PHIP: variants seen among roughly 807,000 people sequenced by gnomAD.
PHIP encodes the protein PHIP subunit of CUL4-Ring ligase complex, also known as PH-interacting protein.
In PHIP, 54 loss-of-function variants were observed where a neutral mutation model predicts 236.8. That is an observed-to-expected ratio of 0.23 (90% CI 0.18 to 0.29). The LOEUF (loss-of-function observed/expected upper bound fraction) is 0.29, where lower values mean the gene tolerates loss of function less well. Ranked by LOEUF, PHIP falls within the 10% of genes least tolerant of loss-of-function variation. PHIP has a pLI of 1.00. For missense variants in PHIP, 1,370 were observed against 2,190.8 expected, an observed-to-expected ratio of 0.63 and a Z score of 7.48; for synonymous variants, 756 against 718.9, an observed-to-expected ratio of 1.05 and a Z score of -0.83.
At chr6:79,076,546 A>G (rs548921520) in intron 4 of PHIP, among the ~76,000 whole-genome samples, 1 of 152,322 alleles carries the variant, frequency 6.6e-6, no homozygotes, top group African/African-American at 2.4e-5. Flanking sequence ...CACTTCTGAA[A>G]AGCAATTTTT....
At chr6:78,968,696 T>C (rs1349904167) in intron 27 of PHIP, among the ~76,000 whole-genome samples, 1 of 151,816 alleles carries the variant, frequency 6.6e-6, no homozygotes. Flanking sequence ...CAAAACAGCA[T>C]ATAATTCCTT....
intron 15 of PHIP, among the ~76,000 whole-genome samples, chr6:79,005,741 C>T (rs1050273602): frequency 3.9e-5 from 6 of 151,978 alleles, no homozygotes; most frequent in Non-Finnish European, 8.8e-5. Context: ...TTAGCAATTT[C>T]AAAGGAAATC....
intron 15 of PHIP, among the ~76,000 whole-genome samples, chr6:79,011,610 C>T (rs1562177433): frequency 6.6e-6 from 1 of 151,624 alleles, no homozygotes; most frequent in Non-Finnish European, 1.5e-5. Context: ...AAAACAAACC[C>T]AGCACCCACT....
intron 6 of PHIP, among the ~76,000 whole-genome samples, chr6:79,054,612 ATATG>A (rs1291035940): frequency 6.6e-6 from 1 of 151,424 alleles, no homozygotes; most frequent in Non-Finnish European, 1.5e-5. Flanking sequence ...TTGCTGAATT[ATATG>A]TAACTGTTAA....
At chr6:78,975,222 C>T (rs1453919313) in intron 24 of PHIP, among the ~76,000 whole-genome samples, 24 of 151,726 alleles carry the variant, frequency 1.6e-4, no homozygotes, top group African/African-American at 5.8e-4. Context: ...GTTCAATATA[C>T]GCAAATCAAT....
chr6:78,935,440 C>A lies in PHIP; in HGVS notation c.*5253G>T. On this transcript the variant is annotated 3_prime_UTR_variant, in exon 40 of 40. Coordinates refer to ENST00000275034, the MANE Select transcript of PHIP (RefSeq NM_017934.7). ...TAGGAAAACTGCAATAACCTTCTTT[C>A]CATCATTCCTTTTTTCCCAGAAATT... 1.1e-6 allele frequency: 1 copy of A among 910,884 alleles called. No homozygotes were observed. Among genetic ancestry groups the A allele is most frequent in the East Asian group, 1.2e-4 (1 of 8,432 alleles). 56.4% of individuals were successfully genotyped at this position (910,884 alleles called of 1,614,324 possible).
chr6:79,042,733 C>T (rs375600562), intron 7 of PHIP, 110 bp downstream of exon 7: 12 of 697,150 alleles, frequency 1.7e-5, no homozygotes, highest in African/African-American at 1.1e-4. Flanking sequence ...CCTGAATTTC[C>T]GGTTTCCTAT....
chr6:78,965,526 A>G (rs1244526703), intron 29 of PHIP, among the ~76,000 whole-genome samples, 177 bp downstream of exon 29: 1 of 152,214 alleles, frequency 6.6e-6, no homozygotes, highest in East Asian at 1.9e-4. Context: ...AGTTATATCT[A>G]TCTTCTTCAC....
Position 78,941,047 on chromosome 6 carries a change from A to C in PHIP, c.5112T>G (p.Asp1704Glu), listed in dbSNP as rs372154191. 43 of 1,613,902 alleles carry C rather than the reference A, an allele frequency of 2.7e-5. No individual in the cohort carries two copies. The highest frequency in any genetic ancestry group is 3.6e-5 in the Non-Finnish European group (42 of 1,179,960). ...CTCCACGATTCTTTTTCTGTAACAA[A>C]TCTTCCTTTACATTATTAGTTTCAG... ...FLSETNNVKE[D>E]LLQKKNRGGR... The change falls in exon 40 of 40, where the codon GAT becomes GAG. Residue 1704 changes from aspartate to glutamate, a missense_variant. Around this residue, in one of 14 missense-constraint regions of PHIP, gnomAD observed 309 missense variants for 328.3 expected, o/e 0.94. Coordinates refer to ENST00000275034, the MANE Select transcript of PHIP (RefSeq NM_017934.7).
At chr6:79,059,626 A>ATATATATATATATATATATAT (rs1562216785) in intron 6 of PHIP, among the ~76,000 whole-genome samples, 18 of 43,212 alleles carry the variant, frequency 4.2e-4, no homozygotes, top group Non-Finnish European at 6.2e-4. Context: ...TATATATATA[A>ATATATATATATATATATATAT]AAATGCCAAA....
intron 15 of PHIP, among the ~76,000 whole-genome samples, chr6:79,009,443 A>G (rs1316269829): frequency 1.3e-5 from 2 of 151,996 alleles, no homozygotes; most frequent in African/African-American, 4.8e-5. Context: ...CCTGACAATG[A>G]TCTCTACATC....
intron 27 of PHIP, among the ~76,000 whole-genome samples, 153 bp downstream of exon 27, chr6:78,969,680 CCT>C (rs2051271290): frequency 6.6e-6 from 1 of 151,980 alleles, no homozygotes; most frequent in African/African-American, 2.4e-5. Flanking sequence ...CTTAACAATA[CCT>C]CTGACATAGT....
At chr6:78,977,087 T>C (rs1768146385) in intron 24 of PHIP, among the ~76,000 whole-genome samples, 1 of 142,068 alleles carries the variant, frequency 7.0e-6, no homozygotes, top group South Asian at 2.4e-4. Context: ...GTATGTTTAT[T>C]GTGGCATTAT....
At chr6:79,031,077 G>A (rs769765316) in intron 7 of PHIP, among the ~76,000 whole-genome samples, 4 of 152,034 alleles carry the variant, frequency 2.6e-5, no homozygotes, top group Non-Finnish European at 5.9e-5. Context: ...CAGAATAGCT[G>A]GAATTACAGG....
rs1766904627 is a variant in PHIP, at chr6:78,963,209, A to G, written c.3423T>C (p.Asp1141=). 2 of 1,609,262 alleles carry G rather than the reference A, an allele frequency of 1.2e-6. No individual in the cohort carries two copies. The highest frequency in any genetic ancestry group is 1.7e-6 in the Non-Finnish European group (2 of 1,177,980). The change falls in exon 30 of 40, where the codon GAT becomes GAC. Residue 1141 remains aspartate (D), a synonymous_variant. Coordinates refer to ENST00000275034, the MANE Select transcript of PHIP (RefSeq NM_017934.7). ...EELGTSVPLT[D]GECRSLIYKP... ...TATAGATTAGTGATCTGCACTCACC[A>G]TCAGTTAAAGGAACACTGGTACCTA...
At chr6:78,970,396 G>A (rs193270680) in intron 25 of PHIP, among the ~76,000 whole-genome samples, 2 of 152,042 alleles carry the variant, frequency 1.3e-5, no homozygotes, top group Admixed American at 1.3e-4. Flanking sequence ...AAAAAATAAG[G>A]AGAACTTTAC....
intron 19 of PHIP, among the ~76,000 whole-genome samples, chr6:78,993,660 C>T (rs1769416232): frequency 6.6e-6 from 1 of 152,130 alleles, no homozygotes; most frequent in Non-Finnish European, 1.5e-5. Context: ...ATATTTTTAG[C>T]CCACTGTTGA....
intron 22 of PHIP, among the ~76,000 whole-genome samples, chr6:78,984,598 A>T (rs892209097): frequency 6.6e-6 from 1 of 152,170 alleles, no homozygotes; most frequent in Non-Finnish European, 1.5e-5. Context: ...GCCAAAAGAA[A>T]TTCAATTTTT....
At chr6:78,954,692 A>C in intron 35 of PHIP, 122 bp downstream of exon 35, 1 of 636,500 alleles carries the variant, frequency 1.6e-6, no homozygotes, top group Non-Finnish European at 2.5e-6. Context: ...GGATAATGAG[A>C]ACATGTATAA....
Sources: gnomAD v4.1 joint callset for allele counts (sites outside exome capture counted in the v4.1 genomes callset) on GRCh38, gnomAD v4.1.1 for gene constraint, gnomAD v4.1.1 regional missense constraint, MANE v1.5 for transcripts, NCBI Gene and HGNC (gene_info 2026-07-23, HGNC 2026-07-21) for gene names.